Variants in CUBN observed in about 807,000 individuals in gnomAD.
The protein encoded by CUBN is 460 kDa receptor.
In CUBN, 282 loss-of-function variants were observed where a neutral mutation model predicts 405.3. The observed-to-expected ratio is 0.70, with a 90% CI of 0.63 to 0.77. The LOEUF (loss-of-function observed/expected upper bound fraction) is 0.77. CUBN is among the 30% of genes least tolerant of loss of function. The pLI is 0.00. For synonymous variants in CUBN, 1,684 were observed against 1,617.0 expected, an observed-to-expected ratio of 1.04 and a Z score of -0.99; for missense variants, 4,514 against 4,475.2, an observed-to-expected ratio of 1.01 and a Z score of -0.25.
Position 17,095,462 on chromosome 10 carries a change from TGAATAGAAAACATATAAATGGTCAAC to T in CUBN, c.1765+4517_1765+4542del, listed in dbSNP as rs1393363969. Among the ~76,000 whole-genome samples the T allele has an allele frequency of 7.9e-5, 12 of 152,036 alleles. 1 individual carries two copies. Among genetic ancestry groups the T allele is most frequent in the Admixed American group, 7.9e-4 (12 of 15,238 alleles). Reference sequence around the variant, plus strand: ...GGCAAAGGATCCAAATAGACATTTCTGAATAGAAAACATATAAATGGTCAACAAATATATGAGAAAATGCTCAACAT... The same window carrying T: ...GGCAAAGGATCCAAATAGACATTTCTAAATATATGAGAAAATGCTCAACAT... On this transcript the variant is annotated intron_variant, in intron 14 of 66. Coordinates refer to ENST00000377833, the MANE Select transcript of CUBN (RefSeq NM_001081.4).
chr10:17,113,348 G>A (rs1281953986), intron 8 of CUBN, among the ~76,000 whole-genome samples: 1 of 152,104 alleles, frequency 6.6e-6, no homozygotes, highest in Non-Finnish European at 1.5e-5. Context: ...CATCCCTGGA[G>A]CGCAGATGAA....
intron 15 of CUBN, among the ~76,000 whole-genome samples, chr10:17,087,310 G>T (rs370516531): frequency 1.3e-5 from 2 of 151,916 alleles, no homozygotes; most frequent in African/African-American, 2.4e-5. Flanking sequence ...ACGTACAAAC[G>T]GCATTTGAAT....
At chr10:16,986,797 G>GCTCC (rs1323587357) in intron 29 of CUBN, among the ~76,000 whole-genome samples, 1 of 152,126 alleles carries the variant, frequency 6.6e-6, no homozygotes, top group East Asian at 1.9e-4. Context: ...GACAGCATGT[G>GCTCC]CTCCCAATCA....
At chr10:17,110,322 G>A (rs766746311) in intron 9 of CUBN, among the ~76,000 whole-genome samples, 2 of 152,148 alleles carry the variant, frequency 1.3e-5, no homozygotes, top group Non-Finnish European at 2.9e-5. Flanking sequence ...GAGGGCAATG[G>A]AACAGTAAGT....
intron 60 of CUBN, among the ~76,000 whole-genome samples, chr10:16,842,754 G>A (rs1839391988): frequency 6.6e-6 from 1 of 152,200 alleles, no homozygotes; most frequent in East Asian, 1.9e-4. Context: ...TGCACCTAAA[G>A]TAAAATTCCA....
chr10:17,076,396 C>T (rs1036690705), intron 17 of CUBN, among the ~76,000 whole-genome samples: 6 of 149,614 alleles, frequency 4.0e-5, no homozygotes, highest in Non-Finnish European at 7.4e-5. Flanking sequence ...GAATAAAATT[C>T]ATCAAATGTT....
At chr10:16,861,452 A>G (rs773227942) in intron 59 of CUBN, among the ~76,000 whole-genome samples, 7 of 152,302 alleles carry the variant, frequency 4.6e-5, no homozygotes, top group Non-Finnish European at 1.0e-4. Context: ...GTGAGCCAGC[A>G]TGCCTGGCCA....
chr10:17,050,972 C>G (rs946236717), intron 22 of CUBN, among the ~76,000 whole-genome samples: 6 of 152,054 alleles, frequency 3.9e-5, no homozygotes, highest in Non-Finnish European at 8.8e-5. Context: ...GTCTACAACA[C>G]ATAATTTACC....
chr10:16,890,359 A>C lies in CUBN; in HGVS notation c.8755+12T>G. On this transcript the variant is annotated intron_variant, in intron 55 of 66. Transcript: ENST00000377833. The stretch of plus-strand genomic sequence containing the variant: ...GCAAAGACCTCTGGGTTTGGTTCTT[A>C]GGGCTACTTACGGCTAACAAAGGAC... 6.2e-7 allele frequency: 1 copy of C among 1,612,350 alleles called. No individual in the cohort carries two copies. The highest frequency in any genetic ancestry group is 8.5e-7 in the Non-Finnish European group (1 of 1,179,974).
intron 2 of CUBN, 59 bp from the exon 3 acceptor site, chr10:17,127,983 T>C: frequency 8.5e-7 from 1 of 1,182,622 alleles, no homozygotes; most frequent in South Asian, 1.3e-5. Flanking sequence ...ATATTTATCT[T>C]TACAGTAACA....
chr10:17,111,060 C>T lies in CUBN; in HGVS notation c.884-10G>A. ...CCATTGCCTTGCCAGCCTAGGAAAA[C>T]AAGAGGATTTAAAAGTTTAGCTCTA... On this transcript the variant is annotated splice_polypyrimidine_tract_variant and intron_variant, in intron 8 of 66. Coordinates refer to ENST00000377833, the MANE Select transcript of CUBN (RefSeq NM_001081.4). The T allele has an allele frequency of 6.2e-7, 1 of 1,614,010 alleles. No individual in the cohort carries two copies. Among genetic ancestry groups the T allele is most frequent in the Non-Finnish European group, 8.5e-7 (1 of 1,179,956 alleles).
chr10:16,985,418 C>T (rs1833389445), intron 29 of CUBN, among the ~76,000 whole-genome samples: 2 of 152,196 alleles, frequency 1.3e-5, no homozygotes, highest in Non-Finnish European at 2.9e-5. Context: ...TCCAGTTCCC[C>T]ATCCATTCCA....
chr10:17,071,066 A>T (rs1282750424), intron 19 of CUBN, among the ~76,000 whole-genome samples: 2 of 152,218 alleles, frequency 1.3e-5, no homozygotes, highest in Non-Finnish European at 2.9e-5. Context: ...GTGTTTCATC[A>T]TGAAAGGATG....
intron 28 of CUBN, among the ~76,000 whole-genome samples, chr10:16,991,833 C>T (rs1470161193): frequency 6.6e-6 from 1 of 152,066 alleles, no homozygotes; most frequent in East Asian, 1.9e-4. Flanking sequence ...GTCAGTGTGG[C>T]AATTCCTCAG....
Position 16,869,865 on chromosome 10 carries a change from A to G in CUBN, c.9237-12T>C. 6.4e-7 allele frequency: 1 copy of G among 1,570,984 alleles called. No individual in the cohort carries two copies. The highest frequency in any genetic ancestry group is 8.8e-7 in the Non-Finnish European group (1 of 1,140,868). On this transcript the variant is annotated splice_polypyrimidine_tract_variant and intron_variant, in intron 58 of 66. Coordinates refer to ENST00000377833, the MANE Select transcript of CUBN (RefSeq NM_001081.4). ...CAAAATCACTGAACCTGTGAAATGT[A>G]CCTTGTTAATACTGATGTTTCCATT...
chr10:17,098,575 G>C (rs910213330), intron 14 of CUBN, among the ~76,000 whole-genome samples: 4 of 151,858 alleles, frequency 2.6e-5, no homozygotes, highest in African/African-American at 9.7e-5. Flanking sequence ...TCCTAGCCAG[G>C]GCAATAAGTC....
chr10:17,079,384 C>T (rs746320914), intron 17 of CUBN, among the ~76,000 whole-genome samples: 4 of 151,668 alleles, frequency 2.6e-5, no homozygotes, highest in Non-Finnish European at 5.9e-5. Flanking sequence ...TACAGGTGCC[C>T]ACCATCACAC....
At chr10:17,087,596 C>A (rs1214588645) in intron 15 of CUBN, among the ~76,000 whole-genome samples, 4 of 150,024 alleles carry the variant, frequency 2.7e-5, no homozygotes, top group African/African-American at 7.3e-5. Context: ...CTGCCTCAGA[C>A]TGACGAGTAG....
intron 59 of CUBN, among the ~76,000 whole-genome samples, chr10:16,867,601 AAG>A (rs1202170363): frequency 6.6e-6 from 1 of 152,206 alleles, no homozygotes; most frequent in African/African-American, 2.4e-5. Flanking sequence ...GCAGATGAAA[AAG>A]AGGTAAAAAT....
Sources: allele counts gnomAD v4.1 joint callset (sites outside exome capture counted in the v4.1 genomes callset), GRCh38; gene constraint gnomAD v4.1.1; transcripts MANE v1.5; gene names NCBI Gene and HGNC (gene_info 2026-07-23, HGNC 2026-07-21).